ZCWPW2: variants seen among roughly 807,000 people sequenced by gnomAD.
ZCWPW2 encodes zinc finger CW-type PWWP domain protein 2.
Under a neutral mutation model 46.6 loss-of-function variants are expected in ZCWPW2, and 45 were observed. The observed-to-expected ratio is 0.96, with a 90% CI of 0.76 to 1.24. ZCWPW2 has a LOEUF of 1.24. ZCWPW2 is among the 50% of genes most tolerant of loss of function. The probability of loss-of-function intolerance (pLI) is 0.00; values close to 1 mark genes in which losing one functional copy is unlikely to be tolerated. For synonymous variants in ZCWPW2, 152 were observed against 137.1 expected, an observed-to-expected ratio of 1.11 and a Z score of -0.76; for missense variants, 429 against 403.9, an observed-to-expected ratio of 1.06 and a Z score of -0.53.
intron 4 of ZCWPW2, among the ~76,000 whole-genome samples, chr3:28,450,565 T>C (rs1341075542): frequency 6.6e-6 from 1 of 152,186 alleles, no homozygotes; most frequent in East Asian, 1.9e-4. Flanking sequence ...GACTGCACTT[T>C]TGTAGTTTTT....
intron 3 of ZCWPW2, among the ~76,000 whole-genome samples, chr3:28,429,927 G>A (rs1358867158): frequency 2.6e-5 from 4 of 152,338 alleles, no homozygotes; most frequent in African/African-American, 9.6e-5. Flanking sequence ...GTATGGAAAT[G>A]CCTGGATGTC....
At chr3:28,489,932 A>G (rs1699749926) in intron 5 of ZCWPW2, among the ~76,000 whole-genome samples, 1 of 152,134 alleles carries the variant, frequency 6.6e-6, no homozygotes, top group Non-Finnish European at 1.5e-5. Flanking sequence ...AATATTCGCA[A>G]ACTCTGCATC....
chr3:28,459,393 CA>C (rs1698545590), intron 4 of ZCWPW2, among the ~76,000 whole-genome samples: 1 of 151,484 alleles, frequency 6.6e-6, no homozygotes, highest in South Asian at 2.1e-4. Flanking sequence ...AAACAAAAAA[CA>C]AAAAACGTAT....
rs553506152 is a variant in ZCWPW2 at position 28,404,262 on chromosome 3, C to G, written c.-13-8794C>G. ...TCAAAAGAGATATACAAATGACCAACAAACATACGAAAAAATGCTCAACAT... is the reference window on the plus strand; with the variant it reads ...TCAAAAGAGATATACAAATGACCAAGAAACATACGAAAAAATGCTCAACAT... On this transcript the variant is annotated intron_variant, in intron 2 of 9. Transcript: ENST00000383768. 5.3e-5 allele frequency among the ~76,000 whole-genome samples: 8 copies of G among 151,494 alleles called. No individual in the cohort carries two copies. The East Asian group carries it at 9.7e-4, about 18-fold the overall frequency.
At chr3:28,496,044 C>G (rs1699982467) in intron 6 of ZCWPW2, among the ~76,000 whole-genome samples, 1 of 151,636 alleles carries the variant, frequency 6.6e-6, no homozygotes, top group African/African-American at 2.4e-5. Flanking sequence ...AGGCTAAAAG[C>G]CAAGGAATGA....
chr3:28,405,851 A>T (rs898411918), intron 2 of ZCWPW2, among the ~76,000 whole-genome samples: 1 of 152,172 alleles, frequency 6.6e-6, no homozygotes, highest in East Asian at 1.9e-4. Flanking sequence ...CAATCTTCTT[A>T]AAAAATACCT....
At chr3:28,397,638 C>G (rs753036206) in intron 2 of ZCWPW2, among the ~76,000 whole-genome samples, 1 of 152,022 alleles carries the variant, frequency 6.6e-6, no homozygotes, top group African/African-American at 2.4e-5. Context: ...TCACTGCACT[C>G]CAGCCTGGGT....
intron 8 of ZCWPW2, among the ~76,000 whole-genome samples, chr3:28,516,496 A>C (rs1700578082): frequency 6.6e-6 from 1 of 152,066 alleles, no homozygotes; most frequent in African/African-American, 2.4e-5. Context: ...AGAAAGTTTT[A>C]GTTTTCAAAG....
chr3:28,408,833 C>T (rs1392033825), intron 2 of ZCWPW2, among the ~76,000 whole-genome samples: 2 of 152,114 alleles, frequency 1.3e-5, no homozygotes, highest in African/African-American at 2.4e-5. Context: ...CTCAGTTGTT[C>T]ACATAGACTG....
intron 4 of ZCWPW2, among the ~76,000 whole-genome samples, chr3:28,474,554 C>T (rs1252060493): frequency 6.6e-6 from 1 of 150,916 alleles, no homozygotes; most frequent in Non-Finnish European, 1.5e-5. Flanking sequence ...TCTTTCAGTT[C>T]TCTCATCCAT....
chr3:28,485,935 C>T (rs936514542), intron 5 of ZCWPW2, among the ~76,000 whole-genome samples: 11 of 151,294 alleles, frequency 7.3e-5, no homozygotes, highest in African/African-American at 2.7e-4. Flanking sequence ...TCCCTCTTGA[C>T]ATATCAATTA....
rs1256380816 is a variant in ZCWPW2 at position 28,363,096 on chromosome 3, A to C, written c.-134+13893A>C. On this transcript the variant is annotated intron_variant, in intron 1 of 9. Transcript: ENST00000383768. ...GGAGGGAGAGGTTCAGAAAAAAAACAAAACAAAGCTGTTGGGTACTATGCT... is the reference window on the plus strand; with the variant it reads ...GGAGGGAGAGGTTCAGAAAAAAAACCAAACAAAGCTGTTGGGTACTATGCT... Among the ~76,000 whole-genome samples the C allele has an allele frequency of 2.0e-5, 3 of 152,092 alleles. No homozygotes were observed. In the East Asian group the frequency reaches 5.8e-4, roughly 29 times the overall value.
chr3:28,438,814 C>T (rs559478316), intron 4 of ZCWPW2, among the ~76,000 whole-genome samples: 1 of 151,754 alleles, frequency 6.6e-6, no homozygotes, highest in East Asian at 1.9e-4. Flanking sequence ...GAACAAAAGA[C>T]AAATATGAAT....
At chr3:28,478,313 G>T in intron 4 of ZCWPW2, 1 of 323,132 alleles carries the variant, frequency 3.1e-6, no homozygotes, top group Non-Finnish European at 6.4e-6. Context: ...GCACAATCTC[G>T]CATCACTGCA....
chr3:28,376,280 TTAGAA>T (rs1705498021), intron 1 of ZCWPW2, among the ~76,000 whole-genome samples: 1 of 152,142 alleles, frequency 6.6e-6, no homozygotes, highest in South Asian at 2.1e-4. Flanking sequence ...TCAGCTTATC[TTAGAA>T]TAGAAACAAA....
In ZCWPW2 at chr3:28,485,252, G is replaced by A. The variant is rs576819297; in HGVS notation, c.610+6321G>A. Among the ~76,000 whole-genome samples, 49 of 151,672 alleles carry A rather than the reference G, an allele frequency of 3.2e-4. 1 individual carries two copies. The South Asian group carries it at 4.4e-3, about 13-fold the overall frequency. On this transcript the variant is annotated intron_variant, in intron 5 of 9. Coordinates refer to ENST00000383768, the MANE Select transcript of ZCWPW2 (RefSeq NM_001040432.4). ...CAGTTTCTGGCTTAATTCCATTTTGGTCTGTGAGAGGACATTGTATTATAT... is the reference window on the plus strand; with the variant it reads ...CAGTTTCTGGCTTAATTCCATTTTGATCTGTGAGAGGACATTGTATTATAT...
rs544626865 is a variant in ZCWPW2, at chr3:28,524,808, G to A, written c.*120G>A. On this transcript the variant is annotated 3_prime_UTR_variant, in exon 10 of 10. Transcript: ENST00000383768. ...AAATTATACCAAAGTTTATATTTGC[G>A]GTAACTTTCTACTTCATATTTTGAG... 133 of 856,382 alleles carry A rather than the reference G, an allele frequency of 1.6e-4. No individual in the cohort carries two copies. The highest frequency in any genetic ancestry group is 7.9e-4 in the Middle Eastern group (2 of 2,522). 53.0% of individuals were successfully genotyped at this position (856,382 alleles called of 1,614,324 possible).
intron 1 of ZCWPW2, among the ~76,000 whole-genome samples, chr3:28,352,478 A>G (rs1199574941): frequency 6.6e-6 from 1 of 152,004 alleles, no homozygotes; most frequent in Non-Finnish European, 1.5e-5. Context: ...ATATGGGGAT[A>G]CCTTATCTGA....
Position 28,524,721 on chromosome 3 carries a change from A to G in ZCWPW2, c.*33A>G. 1 of 1,415,012 alleles carries G rather than the reference A, an allele frequency of 7.1e-7. No individual in the cohort carries two copies. The highest frequency in any genetic ancestry group is 9.4e-7 in the Non-Finnish European group (1 of 1,065,224). The allele number at this position is 1,415,012 out of a possible 1,614,324, so 87.7% of individuals were successfully genotyped here. On this transcript the variant is annotated 3_prime_UTR_variant, in exon 10 of 10. Coordinates refer to ENST00000383768, the MANE Select transcript of ZCWPW2 (RefSeq NM_001040432.4). ...TACATTTTTCAAATTAATTATAAAAATATTGGCATCTTTATATTTATCCAA... is the reference window on the plus strand; with the variant it reads ...TACATTTTTCAAATTAATTATAAAAGTATTGGCATCTTTATATTTATCCAA...
Sources: allele counts gnomAD v4.1 joint callset (sites outside exome capture counted in the v4.1 genomes callset), GRCh38; gene constraint gnomAD v4.1.1; transcripts MANE v1.5; gene names NCBI Gene and HGNC (gene_info 2026-07-23, HGNC 2026-07-21).